TRMT10B: variants seen among roughly 807,000 people sequenced by gnomAD.
TRMT10B encodes tRNA methyltransferase 10 homolog B.
In TRMT10B, 33 loss-of-function variants were observed where a neutral mutation model predicts 43.8. The ratio of observed to expected loss-of-function variants is 0.75; its 90% CI spans 0.57 to 1.01. The LOEUF is 1.01. Ranked by LOEUF, TRMT10B falls within the 50% of genes least tolerant of loss-of-function variation. The pLI is 0.00. For missense variants in TRMT10B, 362 were observed against 369.8 expected, an observed-to-expected ratio of 0.98 and a Z score of 0.17; for synonymous variants, 137 against 130.6, an observed-to-expected ratio of 1.05 and a Z score of -0.34.
intron 1 of TRMT10B, among the ~76,000 whole-genome samples, chr9:37,754,371 G>C (rs1825372309): frequency 6.6e-6 from 1 of 152,178 alleles, no homozygotes; most frequent in Non-Finnish European, 1.5e-5. Context: ...GAATGTAAAG[G>C]CCTTGAAGGG....
At chr9:37,775,905 C>A (rs78524697) in intron 7 of TRMT10B, among the ~76,000 whole-genome samples, 2,913 of 152,318 alleles carry the variant, frequency 0.019, 44 homozygotes, top group Non-Finnish European at 0.028. Flanking sequence ...ATCTTGTCTA[C>A]CTTTTCCTCT....
At chr9:37,755,017 T>A in intron 1 of TRMT10B, among the ~76,000 whole-genome samples, 1 of 152,144 alleles carries the variant, frequency 6.6e-6, no homozygotes, top group East Asian at 1.9e-4. Flanking sequence ...ACGCCTGTAA[T>A]CCTAGCACTT....
chr9:37,774,918 A>T (rs766984118), intron 7 of TRMT10B, among the ~76,000 whole-genome samples: 8 of 152,228 alleles, frequency 5.3e-5, no homozygotes, highest in African/African-American at 9.6e-5. Flanking sequence ...TGAAATTCAA[A>T]GAAGAGTTGA....
chr9:37,758,877 G>A (rs1323418330), intron 1 of TRMT10B, among the ~76,000 whole-genome samples: 1 of 152,140 alleles, frequency 6.6e-6, no homozygotes, highest in African/African-American at 2.4e-5. Context: ...ATAGTGACAC[G>A]GAGCCCATAC....
At chr9:37,760,556 A>G (rs367956902) in intron 1 of TRMT10B, among the ~76,000 whole-genome samples, 1 of 152,214 alleles carries the variant, frequency 6.6e-6, no homozygotes, top group African/African-American at 2.4e-5. Context: ...AGCGATTTGA[A>G]TTCTTATGTT....
At chr9:37,754,035 C>T (rs958266423) in intron 1 of TRMT10B, among the ~76,000 whole-genome samples, 183 bp downstream of exon 1, 11 of 152,208 alleles carry the variant, frequency 7.2e-5, no homozygotes, top group Non-Finnish European at 1.5e-4. Flanking sequence ...GCCTGTGGGC[C>T]GGGAGAGACC....
At position 37,769,361 on chromosome 9, in the gene TRMT10B, T is replaced by C. The variant is rs1304087812; in HGVS notation, c.574-580T>C. On this transcript the variant is annotated intron_variant, in intron 5 of 8. Transcript: ENST00000297994. Reference sequence around the variant, plus strand: ...AAAAAATCTCCTTTCAGAAACCCAGTTCCAGCATTTCCTTCCCCAGGTCAT... The same window carrying C: ...AAAAAATCTCCTTTCAGAAACCCAGCTCCAGCATTTCCTTCCCCAGGTCAT... Among the ~76,000 whole-genome samples, 4 of 137,564 alleles carry C rather than the reference T, an allele frequency of 2.9e-5. No homozygotes were observed. In the Admixed American group the frequency reaches 3.0e-4, roughly 10 times the overall value. 90.2% of individuals were successfully genotyped at this position (137,564 alleles called of 152,430 possible).
chr9:37,768,631 AG>A (rs1486470523), intron 5 of TRMT10B, among the ~76,000 whole-genome samples: 1 of 152,222 alleles, frequency 6.6e-6, no homozygotes, highest in East Asian at 1.9e-4. Flanking sequence ...ACCTCTCTCT[AG>A]GATCTCATAC....
At chr9:37,761,490 G>A (rs1245097937) in intron 1 of TRMT10B, among the ~76,000 whole-genome samples, 1 of 152,164 alleles carries the variant, frequency 6.6e-6, no homozygotes, top group Non-Finnish European at 1.5e-5. Flanking sequence ...CTTGAGGTCA[G>A]GAGTCCGAGA....
chr9:37,752,975 C>CT (rs1825086670), upstream of TRMT10B, among the ~76,000 whole-genome samples: 1 of 152,118 alleles, frequency 6.6e-6, no homozygotes, highest in Non-Finnish European at 1.5e-5. Context: ...CTTGCTAACC[C>CT]TTTGGGTCCC....
At chr9:37,755,654 C>T (rs1293240134) in intron 1 of TRMT10B, among the ~76,000 whole-genome samples, 3 of 152,188 alleles carry the variant, frequency 2.0e-5, no homozygotes, top group South Asian at 4.1e-4. Flanking sequence ...TGTTCTATTA[C>T]TCTTCTGATG....
intron 3 of TRMT10B, among the ~76,000 whole-genome samples, chr9:37,762,896 G>C (rs1826517277): frequency 6.6e-6 from 1 of 150,756 alleles, no homozygotes; most frequent in Non-Finnish European, 1.5e-5. Context: ...ACTTTGGGAG[G>C]CTGAGGTGGG....
intron 7 of TRMT10B, among the ~76,000 whole-genome samples, chr9:37,771,160 TGGA>T (rs1449022554): frequency 6.6e-6 from 1 of 152,212 alleles, no homozygotes; most frequent in East Asian, 1.9e-4. Context: ...TTTTTTTTGT[TGGA>T]GTTTTAGAGG....
chr9:37,768,060 TC>T lies in TRMT10B; in HGVS notation c.421-15del. 1 of 1,613,040 alleles carries T rather than the reference TC, an allele frequency of 6.2e-7. No individual in the cohort carries two copies. Among genetic ancestry groups the T allele is most frequent in the Non-Finnish European group, 8.5e-7 (1 of 1,179,400 alleles). ...TTGGCATGTTTTTGCCCTGAGTTGT[TC>T]TTATTTCTTTGAAGGAATTAAGTAG... is the stretch of plus-strand genomic sequence containing the variant. On this transcript the variant is annotated splice_polypyrimidine_tract_variant and intron_variant, in intron 4 of 8. Transcript: ENST00000297994.
intron 2 of TRMT10B, 82 bp from the exon 3 acceptor site, chr9:37,762,495 A>C: frequency 6.7e-7 from 1 of 1,498,258 alleles, no homozygotes. Flanking sequence ...AAATAAGAAA[A>C]AAGCAAATGT....
At chr9:37,763,143 CAAAAAAAA>C (rs747893643) in intron 3 of TRMT10B, among the ~76,000 whole-genome samples, 1 of 50,212 alleles carries the variant, frequency 2.0e-5, no homozygotes, top group Non-Finnish European at 3.9e-5. Flanking sequence ...GACTCTGTCT[CAAAAAAAA>C]AAAAAAAAAA....
chr9:37,759,038 C>G (rs902214898), intron 1 of TRMT10B, among the ~76,000 whole-genome samples: 1 of 152,178 alleles, frequency 6.6e-6, no homozygotes, highest in Non-Finnish European at 1.5e-5. Context: ...TTGGAATGCT[C>G]ATACATTGCT....
intron 4 of TRMT10B, among the ~76,000 whole-genome samples, chr9:37,764,783 A>C (rs1398141250): frequency 6.6e-6 from 1 of 152,086 alleles, no homozygotes. Flanking sequence ...GGATTCCCAC[A>C]CTAGAGTTCT....
intron 3 of TRMT10B, 110 bp from the exon 4 acceptor site, chr9:37,763,519 A>G: frequency 1.2e-6 from 1 of 842,782 alleles, no homozygotes; most frequent in Non-Finnish European, 1.9e-6. Context: ...ACCTTACATC[A>G]GTATCAAGTT....
Sources: allele counts gnomAD v4.1 joint callset (sites outside exome capture counted in the v4.1 genomes callset), GRCh38; gene constraint gnomAD v4.1.1; transcripts MANE v1.5; gene names NCBI Gene and HGNC (gene_info 2026-07-23, HGNC 2026-07-21).